ADGRL3: variants seen among roughly 807,000 people sequenced by gnomAD.
ADGRL3 encodes the protein adhesion G protein-coupled receptor L3, also known as calcium-independent alpha-latrotoxin receptor 3.
A neutral mutation model predicts 153.5 loss-of-function variants in ADGRL3; 62 were observed. The ratio of observed to expected loss-of-function variants is 0.40; its 90% confidence interval spans 0.33 to 0.50. ADGRL3 has a LOEUF of 0.50. Ranked by LOEUF, ADGRL3 falls within the 20% of genes least tolerant of loss-of-function variation. The pLI is 0.47. For missense variants in ADGRL3, 1,641 were observed against 1,859.4 expected (o/e 0.88, Z 2.16); for synonymous variants, 710 against 672.5 (o/e 1.06, Z -0.86).
intron 19 of ADGRL3, among the ~76,000 whole-genome samples, chr4:61,985,907 T>TAA (rs11463550): frequency 0.021 from 3,073 of 144,168 alleles, 106 homozygotes; most frequent in African/African-American, 0.064. Context: ...CTAGGATTAG[T>TAA]AAAAAAAAAA....
intron 19 of ADGRL3, among the ~76,000 whole-genome samples, chr4:61,987,126 T>G (rs1479827042): frequency 2.7e-5 from 4 of 147,590 alleles, no homozygotes; most frequent in Non-Finnish European, 6.0e-5. Flanking sequence ...TTTATTTTAT[T>G]TTATTTTATT....
chr4:61,428,894 C>CATCTATCTATCT (rs5858699), intron 2 of ADGRL3, among the ~76,000 whole-genome samples: 26 of 98,288 alleles, frequency 2.6e-4, no homozygotes, highest in South Asian at 3.8e-4. Flanking sequence ...CTATCTATAT[C>CATCTATCTATCT]ATCTATCTAT....
chr4:61,311,907 G>C (rs572800171), intron 1 of ADGRL3, among the ~76,000 whole-genome samples: 18 of 152,220 alleles, frequency 1.2e-4, no homozygotes, highest in African/African-American at 4.3e-4. Flanking sequence ...ATAAGGATGT[G>C]TCAATGCAGG....
At chr4:61,262,938 C>T (rs965745479) in intron 1 of ADGRL3, among the ~76,000 whole-genome samples, 2 of 152,186 alleles carry the variant, frequency 1.3e-5, no homozygotes, top group African/African-American at 4.8e-5. Context: ...AGTTTCTTAT[C>T]TCTCAAGTGG....
intron 5 of ADGRL3, among the ~76,000 whole-genome samples, chr4:61,643,910 A>C (rs1371594230): frequency 2.3e-4 from 33 of 144,466 alleles, no homozygotes; most frequent in Non-Finnish European, 5.0e-4. Context: ...CTGTGAATCC[A>C]TCTGGTCCTG....
intron 8 of ADGRL3, among the ~76,000 whole-genome samples, chr4:61,772,972 A>G (rs1429904790): frequency 6.6e-6 from 1 of 152,190 alleles, no homozygotes; most frequent in Non-Finnish European, 1.5e-5. Context: ...CATACCTGGT[A>G]TATTGGAAAT....
chr4:61,903,406 G>T (rs1256561549), intron 11 of ADGRL3, among the ~76,000 whole-genome samples: 2 of 151,814 alleles, frequency 1.3e-5, no homozygotes, highest in Non-Finnish European at 2.9e-5. Flanking sequence ...TATGCACCTC[G>T]TCCCAAGCCC....
At position 61,517,417 on chromosome 4, in the gene ADGRL3, C is replaced by T. The variant is rs74941038; in HGVS notation, c.158C>T (p.Pro53Leu). 1,284 of 787,270 alleles carry T rather than the reference C, an allele frequency of 1.6e-3. 25 individuals are homozygous for T. In the East Asian group the frequency reaches 0.03, roughly 18 times the overall value. The allele number at this position is 787,270 out of a possible 1,614,324, so 48.8% of individuals were successfully genotyped here. A position where few individuals can be genotyped will look rare whatever the true frequency, so the allele number is the denominator to read the frequency against. Reference sequence around the variant, plus strand: ...CCACCCAGACATCTGCTTCAGCAGCCAGCTGCAGAGCGCACCGCTGCTCAT... The same window carrying T: ...CCACCCAGACATCTGCTTCAGCAGCTAGCTGCAGAGCGCACCGCTGCTCAT... ...ALPPRHLLQQ[P>L]AAERTAAHRG... Residue 53 changes from proline (P) to leucine (L), a missense_variant, in exon 4 of 27, where the codon CCA becomes CTA. By Grantham distance (98) the Pro-to-Leu change is moderately conservative. Coordinates refer to ENST00000683033, the MANE Select transcript of ADGRL3 (RefSeq NM_001387552.1).
At chr4:61,481,611 G>C (rs988455257) in intron 2 of ADGRL3, among the ~76,000 whole-genome samples, 2 of 151,764 alleles carry the variant, frequency 1.3e-5, no homozygotes, top group African/African-American at 4.8e-5. Context: ...ATATTAATGA[G>C]TGTTTGTTTT....
chr4:61,919,738 T>C (rs1407432456), intron 13 of ADGRL3, among the ~76,000 whole-genome samples: 2 of 152,212 alleles, frequency 1.3e-5, no homozygotes, highest in African/African-American at 4.8e-5. Flanking sequence ...ATGTTGATCA[T>C]GGAGATTCTG....
chr4:62,008,024 T>C (rs2099167761), intron 21 of ADGRL3, among the ~76,000 whole-genome samples: 1 of 152,112 alleles, frequency 6.6e-6, no homozygotes, highest in Non-Finnish European at 1.5e-5. Context: ...ACTTGACCAC[T>C]GAATTTAGCA....
intron 8 of ADGRL3, among the ~76,000 whole-genome samples, chr4:61,791,107 A>G (rs2097336314): frequency 6.6e-6 from 1 of 152,004 alleles, no homozygotes; most frequent in Admixed American, 6.6e-5. Flanking sequence ...TTCAAAACCA[A>G]TCATGCCTTC....
At chr4:61,769,550 C>T (rs1328850728) in intron 8 of ADGRL3, among the ~76,000 whole-genome samples, 2 of 152,020 alleles carry the variant, frequency 1.3e-5, no homozygotes, top group Admixed American at 6.5e-5. Context: ...ATTTCATGCG[C>T]GTCCATGTGA....
At position 62,070,857 on chromosome 4, in the gene ADGRL3, C is replaced by T; in HGVS notation, c.4581C>T (p.Thr1527=). ...TAGTTCCTCCAAACAAAGATGGGAC[C>T]CCTCCCGAGGGAAGTTCAAAAGGAC... The part of the protein sequence containing the change: ...GFIVPPNKDG[T]PPEGSSKGPA... Residue 1527 remains threonine, a synonymous_variant, in exon 27 of 27, where the codon ACC becomes ACT. Transcript: ENST00000683033. 1 of 1,551,588 alleles carries T rather than the reference C, an allele frequency of 6.4e-7. No homozygotes were observed. Among genetic ancestry groups the T allele is most frequent in the Non-Finnish European group, 8.7e-7 (1 of 1,146,924 alleles).
rs2098504173 is a variant in ADGRL3 at position 61,517,500 on chromosome 4, G to A, written c.241G>A (p.Ala81Thr). 1.4e-6 allele frequency: 1 copy of A among 712,980 alleles called. No homozygotes were observed. Among genetic ancestry groups the A allele is most frequent in the South Asian group, 1.5e-5 (1 of 67,704 alleles). 44.2% of individuals were successfully genotyped at this position (712,980 alleles called of 1,614,324 possible). A position where few individuals can be genotyped will look rare whatever the true frequency, so the allele number is the denominator to read the frequency against. ...RGVRGPGAQG[A>T]QIAAQAFSRA... ...AGTTCGCGGTCCAGGTGCCCAAGGA[G>A]CACAGATTGCAGCGCAAGGTGCGGC... is the stretch of plus-strand genomic sequence containing the variant. The change falls in exon 4 of 27, where the codon GCA becomes ACA. Residue 81 changes from alanine (A) to threonine (T), a missense_variant. Around this residue, in one of 5 missense-constraint regions of ADGRL3, gnomAD observed 145 missense variants for 79.1 expected, o/e 1.83. Transcript: ENST00000683033.
intron 9 of ADGRL3, among the ~76,000 whole-genome samples, chr4:61,880,710 G>C (rs180913243): frequency 1.3e-5 from 2 of 152,238 alleles, no homozygotes; most frequent in East Asian, 3.9e-4. Context: ...TATATACTCT[G>C]TACGCTGATT....
chr4:62,054,862 T>C (rs1026641409), intron 25 of ADGRL3, among the ~76,000 whole-genome samples: 1 of 151,544 alleles, frequency 6.6e-6, no homozygotes, highest in African/African-American at 2.4e-5. Flanking sequence ...CGAATAAACA[T>C]ATGAAAAATT....
chr4:61,908,175 G>C (rs1581408689), intron 11 of ADGRL3, among the ~76,000 whole-genome samples: 2 of 152,238 alleles, frequency 1.3e-5, no homozygotes, highest in East Asian at 3.9e-4. Flanking sequence ...TACATTGGAG[G>C]ATGAGCTGGG....
chr4:61,689,910 C>T (rs1024161619), intron 6 of ADGRL3, among the ~76,000 whole-genome samples: 1 of 152,058 alleles, frequency 6.6e-6, no homozygotes, highest in African/African-American at 2.4e-5. Flanking sequence ...TTCAAAATTA[C>T]CTGGAGAAAG....
Sources: gnomAD v4.1 joint callset for allele counts (sites outside exome capture counted in the v4.1 genomes callset) on GRCh38, gnomAD v4.1.1 for gene constraint, gnomAD v4.1.1 regional missense constraint, MANE v1.5 for transcripts, NCBI Gene and HGNC (gene_info 2026-07-23, HGNC 2026-07-21) for gene names.